The following ASCC2 variants were observed in gnomAD, a reference collection of about 807,000 sequenced individuals.
The protein encoded by ASCC2 is activating signal cointegrator 1 complex subunit 2, also known as ASC-1 complex subunit P100.
In ASCC2, 42 loss-of-function variants were observed where a neutral mutation model predicts 93.5. The ratio of observed to expected loss-of-function variants is 0.45; its 90% confidence interval spans 0.35 to 0.58. The LOEUF (loss-of-function observed/expected upper bound fraction) is 0.58. Among genes scored for constraint, ASCC2 ranks in the 20% least tolerant of loss-of-function variants. ASCC2 has a pLI of 0.00. For synonymous variants in ASCC2, 364 were observed against 384.2 expected, an observed-to-expected ratio of 0.95 and a Z score of 0.62; for missense variants, 859 against 977.6, an observed-to-expected ratio of 0.88 and a Z score of 1.62.
intron 5 of ASCC2, chr22:29,816,773 T>A (rs913245117): frequency 5.5e-5 from 7 of 128,278 alleles, no homozygotes; most frequent in Non-Finnish European, 3.2e-5. Flanking sequence ...GTGTTCCAGC[T>A]GCCCAAATGG....
intron 18 of ASCC2, among the ~76,000 whole-genome samples, chr22:29,791,074 CTTT>C (rs2057683000): frequency 6.6e-6 from 1 of 151,804 alleles, no homozygotes; most frequent in Non-Finnish European, 1.5e-5. Flanking sequence ...TGGCCAGTAG[CTTT>C]AAAAAGGAAA....
intron 18 of ASCC2, among the ~76,000 whole-genome samples, chr22:29,791,396 A>G (rs1175344638): frequency 6.6e-6 from 1 of 151,512 alleles, no homozygotes; most frequent in Admixed American, 6.6e-5. Context: ...GAAGAAGAAG[A>G]AGGCTGGGTG....
At chr22:29,818,385 T>A (rs2148055454) in intron 5 of ASCC2, among the ~76,000 whole-genome samples, 1 of 91,402 alleles carries the variant, frequency 1.1e-5, no homozygotes, top group African/African-American at 3.9e-5. Context: ...AGGTCCCTTC[T>A]CTGCATCACT....
intron 19 of ASCC2, 37 bp downstream of exon 19, chr22:29,790,432 G>C (rs1180264458): frequency 2.5e-6 from 4 of 1,611,518 alleles, no homozygotes; most frequent in Non-Finnish European, 3.4e-6. Context: ...CAGATGGTGG[G>C]AGGGGTCCCC....
intron 15 of ASCC2, among the ~76,000 whole-genome samples, chr22:29,795,822 G>A (rs772584419): frequency 6.6e-6 from 1 of 152,286 alleles, no homozygotes; most frequent in East Asian, 1.9e-4. Context: ...CCTGTGGAAT[G>A]TAGCTTCTAG....
At chr22:29,791,705 A>AAC (rs371343974) in intron 18 of ASCC2, among the ~76,000 whole-genome samples, 138 of 151,852 alleles carry the variant, frequency 9.1e-4, no homozygotes, top group African/African-American at 2.8e-3. Context: ...ACAACAACAA[A>AAC]ACACACACAC....
Position 29,814,762 on chromosome 22 carries a change from G to A in ASCC2, c.615C>T (p.Phe205=), listed in dbSNP as rs1337750326. 1 of 1,610,168 alleles carries A rather than the reference G, an allele frequency of 6.2e-7. No homozygotes were observed. The highest frequency in any genetic ancestry group is 2.2e-5 in the East Asian group (1 of 44,522). ...AACCACAGTGCTGGAGGATATTGCT[G>A]AAGACCTGTGAAAGACAAGAACGGG... The part of the protein sequence containing the change: ...DETLPTILQV[F]SNILQHCGLQ... Residue 205 remains phenylalanine, a synonymous_variant, in exon 7 of 20, where the codon TTC becomes TTT. Transcript: ENST00000307790.
chr22:29,789,237 G>T lies in ASCC2; in HGVS notation c.2103-53C>A. On this transcript the variant is annotated intron_variant, in intron 19 of 19. Coordinates refer to ENST00000307790, the MANE Select transcript of ASCC2 (RefSeq NM_032204.5). ...GAACCTGTCAGCCGGAAGAGGCTCT[G>T]GCGGGAGAGCCCACAGCCTGCCTTG... 4 of 1,605,696 alleles carry T rather than the reference G, an allele frequency of 2.5e-6. No individual in the cohort carries two copies. In the South Asian group the frequency reaches 4.4e-5, roughly 18 times the overall value.
intron 18 of ASCC2, 135 bp from the exon 19 acceptor site, chr22:29,790,683 C>A: frequency 1.1e-6 from 1 of 880,564 alleles, no homozygotes; most frequent in Non-Finnish European, 1.8e-6. Context: ...CCTGGCAGAG[C>A]GACGCCCAGG....
chr22:29,793,655 C>T lies in ASCC2; in HGVS notation c.1710G>A (p.Thr570=), dbSNP rs555110482. The T allele has an allele frequency of 3.2e-6, 5 of 1,578,466 alleles. No individual in the cohort carries two copies. The highest frequency in any genetic ancestry group is 2.3e-5 in the South Asian group (2 of 87,256). Residue 570 remains threonine, a synonymous_variant, in exon 16 of 20, where the codon ACG becomes ACA. Coordinates refer to ENST00000307790, the MANE Select transcript of ASCC2 (RefSeq NM_032204.5). ...KGKSTRKEEN[T]RSLLNDKRAV... is the part of the protein sequence containing the mutation. ...CACGCTTGTCGTTCAGCAAACTCCG[C>T]GTGTTTTCCTCCTTCCTGGTGCTGA...
At chr22:29,803,685 C>T (rs181926298) in intron 13 of ASCC2, among the ~76,000 whole-genome samples, 2 of 152,244 alleles carry the variant, frequency 1.3e-5, no homozygotes, top group East Asian at 1.9e-4. Flanking sequence ...ATATATTGCT[C>T]AATGTGACTT....
intron 15 of ASCC2, among the ~76,000 whole-genome samples, chr22:29,798,914 A>AT (rs1328897198): frequency 6.6e-6 from 1 of 152,240 alleles, no homozygotes; most frequent in Non-Finnish European, 1.5e-5. Context: ...GCCTCTTTGC[A>AT]ATCTGCAGCC....
At position 29,838,226 on chromosome 22, in the gene ASCC2, C is replaced by CCGCCGCCGCCGCCGT; in HGVS notation, c.-67_-66insACGGCGGCGGCGGCG. The CCGCCGCCGCCGCCGT allele has an allele frequency of 4.3e-6, 2 of 465,790 alleles. No homozygotes were observed. The highest frequency in any genetic ancestry group is 4.3e-6 in the Non-Finnish European group (1 of 231,858). 28.9% of individuals were successfully genotyped at this position (465,790 alleles called of 1,614,324 possible). On this transcript the variant is annotated 5_prime_UTR_variant, in exon 1 of 20. Transcript: ENST00000307790. ...TGTGCCGCCGCCGCCGCCGCCGCCG[C>CCGCCGCCGCCGCCGT]CGACCACGGTGACAGCTCCCTGAGC...
chr22:29,825,188 C>A lies in ASCC2; in HGVS notation c.310G>T (p.Glu104Ter). 6.4e-7 allele frequency: 1 copy of A among 1,564,136 alleles called. No individual in the cohort carries two copies. Residue 104 changes from glutamate to a stop codon, truncating the protein, a stop_gained, in exon 4 of 20, where the codon GAG becomes TAG. Transcript: ENST00000307790. LOFTEE classifies it high-confidence loss of function. The surrounding 1 kb of genome is among the most constrained non-coding windows in gnomAD (Gnocchi z 4.9). ...ACCTCAGGGGCTGAGGCCACCCCCT[C>A]GTCGAATTTGCGGGGGACATAGCGC... The part of the protein sequence containing the change: ...YLRYVPRKFD[E>*]GVASAPEVVD...
At chr22:29,802,245 A>C in intron 13 of ASCC2, 37 bp from the exon 14 acceptor site, 1 of 1,605,940 alleles carries the variant, frequency 6.2e-7, no homozygotes, top group African/African-American at 1.3e-5. Flanking sequence ...GGGAAGGCTA[A>C]GTGGGCCGGT....
intron 19 of ASCC2, 108 bp from the exon 20 acceptor site, chr22:29,789,292 CCTGGTCA>C (rs1569352917): frequency 7.5e-7 from 1 of 1,333,546 alleles, no homozygotes; most frequent in East Asian, 2.3e-5. Flanking sequence ...ACAGACTGGG[CCTGGTCA>C]CTCATGTCCC....
chr22:29,829,793 G>C (rs927474151), intron 2 of ASCC2, among the ~76,000 whole-genome samples: 17 of 152,034 alleles, frequency 1.1e-4, no homozygotes, highest in South Asian at 2.1e-4. Flanking sequence ...AAAGTGCTGG[G>C]ATTACAGGCG....
chr22:29,822,127 TAC>T (rs2061642757), intron 5 of ASCC2: 6 of 626,272 alleles, frequency 9.6e-6, no homozygotes, highest in South Asian at 9.0e-5. Context: ...AACTGTCTGG[TAC>T]ACAGTTTTAT....
Position 29,825,392 on chromosome 22 carries a change from A to G in ASCC2, c.241-135T>C. 3 of 1,235,452 alleles carry G rather than the reference A, an allele frequency of 2.4e-6. No individual in the cohort carries two copies. Among genetic ancestry groups the G allele is most frequent in the Non-Finnish European group, 3.4e-6 (3 of 889,266 alleles). The allele number at this position is 1,235,452 out of a possible 1,614,324, so 76.5% of individuals were successfully genotyped here. On this transcript the variant is annotated intron_variant, in intron 3 of 19. Coordinates refer to ENST00000307790, the MANE Select transcript of ASCC2 (RefSeq NM_032204.5). The surrounding 1 kb of genome is among the most constrained non-coding windows in gnomAD (Gnocchi z 4.9). Reference sequence around the variant, plus strand: ...TCCGACCCCAAGGGACCAAGGAGGTATGAATGAGCCAAGGGCTAAACACAA... The same window carrying G: ...TCCGACCCCAAGGGACCAAGGAGGTGTGAATGAGCCAAGGGCTAAACACAA...
Sources: gnomAD v4.1 joint callset for allele counts (sites outside exome capture counted in the v4.1 genomes callset) on GRCh38, gnomAD v4.1.1 for gene constraint, Gnocchi (gnomAD v3.1) non-coding constraint, MANE v1.5 for transcripts, NCBI Gene and HGNC (gene_info 2026-07-23, HGNC 2026-07-21) for gene names.